RFX7: variants seen among roughly 807,000 people sequenced by gnomAD.
The protein encoded by RFX7 is regulatory factor X7.
Under a neutral mutation model 111.8 loss-of-function variants are expected in RFX7, and 26 were observed. The ratio of observed to expected loss-of-function variants is 0.23; its 90% confidence interval spans 0.17 to 0.32. The LOEUF (loss-of-function observed/expected upper bound fraction) is 0.32, where lower values mean the gene tolerates loss of function less well. Ranked by LOEUF, RFX7 falls within the 10% of genes least tolerant of loss-of-function variation. The pLI is 1.00. For synonymous variants in RFX7, 624 were observed against 624.4 expected, an observed-to-expected ratio of 1.00 and a Z score of 0.01; for missense variants, 1,573 against 1,772.9, an observed-to-expected ratio of 0.89 and a Z score of 2.02.
At chr15:56,236,529 A>G (rs1462703891) in intron 2 of RFX7, among the ~76,000 whole-genome samples, 4 of 152,230 alleles carry the variant, frequency 2.6e-5, no homozygotes, top group African/African-American at 9.6e-5. Context: ...TACTTTGCTC[A>G]GAGATGTAGA....
At chr15:56,111,346 A>T (rs1321059089) in intron 5 of RFX7, among the ~76,000 whole-genome samples, 3 of 151,906 alleles carry the variant, frequency 2.0e-5, no homozygotes, top group African/African-American at 7.3e-5. Context: ...CTGTGACCTT[A>T]CCCCCAACCC....
chr15:56,162,104 C>T lies in RFX7; in HGVS notation c.195+17166G>A, dbSNP rs116990318. On this transcript the variant is annotated intron_variant, in intron 3 of 9. Transcript: ENST00000559447. The stretch of plus-strand genomic sequence containing the variant: ...CAAGAAGGATAAGGTTTAGATCTTT[C>T]TAGTCACTGTGTTTTTAACTTTTTT... 5.8e-3 allele frequency among the ~76,000 whole-genome samples: 883 copies of T among 152,154 alleles called. 2 individuals are homozygous for T. The highest frequency in any genetic ancestry group is 0.01 in the Non-Finnish European group (700 of 67,902).
intron 5 of RFX7, among the ~76,000 whole-genome samples, chr15:56,123,959 C>T (rs1318086524): frequency 1.3e-5 from 2 of 152,104 alleles, no homozygotes; most frequent in African/African-American, 4.8e-5. Context: ...TTTTTTTGTA[C>T]CTTCTTCAGT....
intron 3 of RFX7, among the ~76,000 whole-genome samples, chr15:56,158,444 C>G (rs2042680689): frequency 6.6e-6 from 1 of 151,966 alleles, no homozygotes; most frequent in African/African-American, 2.4e-5. Context: ...ATTCTATCAA[C>G]AAGTATAGAA....
chr15:56,191,102 G>A (rs1235479459), intron 2 of RFX7, among the ~76,000 whole-genome samples: 1 of 152,146 alleles, frequency 6.6e-6, no homozygotes, highest in Non-Finnish European at 1.5e-5. Context: ...CTTCCTCTCT[G>A]GCCAATTTTT....
intron 3 of RFX7, among the ~76,000 whole-genome samples, chr15:56,160,461 A>G (rs1466413362): frequency 2.0e-5 from 3 of 151,914 alleles, no homozygotes; most frequent in African/African-American, 7.3e-5. Context: ...CCATATATGG[A>G]GGGAACATAA....
chr15:56,139,253 C>A (rs1203336611), intron 5 of RFX7, among the ~76,000 whole-genome samples: 1 of 150,868 alleles, frequency 6.6e-6, no homozygotes, highest in Non-Finnish European at 1.5e-5. Flanking sequence ...TCAGGTACAC[C>A]AATCAGACGT....
chr15:56,145,414 T>TTCAG (rs2042455076), intron 3 of RFX7, among the ~76,000 whole-genome samples: 1 of 152,206 alleles, frequency 6.6e-6, no homozygotes, highest in Non-Finnish European at 1.5e-5. Flanking sequence ...ACCAAGCCTA[T>TTCAG]TCTTAGTCTT....
At chr15:56,211,010 T>G (rs1328059959) in intron 2 of RFX7, among the ~76,000 whole-genome samples, 2 of 152,086 alleles carry the variant, frequency 1.3e-5, no homozygotes, top group African/African-American at 4.8e-5. Flanking sequence ...AACAATTCTA[T>G]GCCAACAAAT....
chr15:56,109,019 TTCTCCC>T (rs142607700), intron 5 of RFX7, among the ~76,000 whole-genome samples: 51,222 of 150,604 alleles, frequency 0.34, 9,272 homozygotes, highest in Middle Eastern at 0.46. Context: ...ACTACAAACC[TTCTCCC>T]TCTCCCTCTC....
intron 2 of RFX7, among the ~76,000 whole-genome samples, chr15:56,235,179 G>GT (rs200007759): frequency 0.031 from 4,493 of 145,560 alleles, 114 homozygotes; most frequent in African/African-American, 0.062. Context: ...CTCGTTTGTT[G>GT]TTTTTTTTTT....
rs553123862 is a variant in RFX7, at chr15:56,243,066, C to T, written c.161+59G>A. The T allele has an allele frequency of 2.6e-6, 3 of 1,161,768 alleles. No homozygotes were observed. In the South Asian group the frequency reaches 3.8e-5, roughly 15 times the overall value. 72.0% of individuals were successfully genotyped at this position (1,161,768 alleles called of 1,614,324 possible). ...CTCCCCCCGCCCGCCGCCCCCCACC[C>T]ACTTTGCAGCAGAAATGTGCCTGGG... is the stretch of plus-strand genomic sequence containing the variant. On this transcript the variant is annotated intron_variant, in intron 2 of 9. Coordinates refer to ENST00000559447, the MANE Select transcript of RFX7 (RefSeq NM_022841.7).
chr15:56,243,062 C>CCCCCCCCCTT, intron 2 of RFX7, 63 bp downstream of exon 2: 2 of 1,049,046 alleles, frequency 1.9e-6, no homozygotes, highest in Non-Finnish European at 2.7e-6. Flanking sequence ...CGCCGCCCCC[C>CCCCCCCCCTT]ACCCACTTTG....
intron 5 of RFX7, among the ~76,000 whole-genome samples, chr15:56,132,866 TTTACA>T (rs772834552): frequency 2.0e-5 from 3 of 152,246 alleles, no homozygotes; most frequent in Non-Finnish European, 4.4e-5. Context: ...ATTTTGATAA[TTTACA>T]TTAAATTATA....
intron 2 of RFX7, among the ~76,000 whole-genome samples, chr15:56,212,736 T>A (rs1330750112): frequency 6.6e-6 from 1 of 152,136 alleles, no homozygotes; most frequent in African/African-American, 2.4e-5. Context: ...AAACATTTCA[T>A]ACGTATATCC....
intron 5 of RFX7, among the ~76,000 whole-genome samples, chr15:56,139,218 C>T (rs1487097539): frequency 6.6e-6 from 1 of 151,426 alleles, no homozygotes; most frequent in Non-Finnish European, 1.5e-5. Context: ...TGTTTTCCAA[C>T]TTGGTTCCAT....
chr15:56,174,951 C>A (rs1343891245), intron 3 of RFX7, among the ~76,000 whole-genome samples: 1 of 152,116 alleles, frequency 6.6e-6, no homozygotes, highest in African/African-American at 2.4e-5. Flanking sequence ...TTTCTATTAG[C>A]CTATCTCCCA....
chr15:56,198,428 A>G (rs745591392), intron 2 of RFX7, among the ~76,000 whole-genome samples: 1 of 152,184 alleles, frequency 6.6e-6, no homozygotes. Context: ...CAGCCTCCCA[A>G]TGTAAGTACG....
chr15:56,180,089 C>T (rs1340778692), intron 2 of RFX7, among the ~76,000 whole-genome samples: 1 of 152,090 alleles, frequency 6.6e-6, no homozygotes, highest in Non-Finnish European at 1.5e-5. Context: ...GAACAGTTTA[C>T]ACACAATCTT....
Sources: gnomAD v4.1 joint callset for allele counts (sites outside exome capture counted in the v4.1 genomes callset) on GRCh38, gnomAD v4.1.1 for gene constraint, MANE v1.5 for transcripts, NCBI Gene and HGNC (gene_info 2026-07-23, HGNC 2026-07-21) for gene names.